EFL1: variants seen among roughly 807,000 people sequenced by gnomAD.
EFL1 encodes the protein elongation factor like GTPase 1.
A neutral mutation model predicts 126.7 loss-of-function variants in EFL1; 76 were observed. The observed-to-expected ratio is 0.60, with a 90% CI of 0.50 to 0.73. EFL1 has a LOEUF of 0.73. EFL1 is among the 30% of genes least tolerant of loss of function. The pLI is 0.00. For missense variants in EFL1, 1,128 were observed against 1,343.2 expected, an observed-to-expected ratio of 0.84 and a Z score of 2.50; for synonymous variants, 410 against 448.4, an observed-to-expected ratio of 0.91 and a Z score of 1.08.
intron 15 of EFL1, among the ~76,000 whole-genome samples, chr15:82,213,314 A>T (rs1377039567): frequency 6.6e-6 from 1 of 152,196 alleles, no homozygotes; most frequent in Non-Finnish European, 1.5e-5. Flanking sequence ...AAAGACATCA[A>T]GGTATATCTC....
intron 16 of EFL1, among the ~76,000 whole-genome samples, chr15:82,162,033 T>C (rs1335684089): frequency 2.0e-5 from 3 of 152,134 alleles, no homozygotes; most frequent in Non-Finnish European, 1.5e-5. Context: ...ATCCCAGCAC[T>C]CTAAGAGGCT....
At chr15:82,172,140 T>C (rs1483599555) in intron 15 of EFL1, among the ~76,000 whole-genome samples, 1 of 152,002 alleles carries the variant, frequency 6.6e-6, no homozygotes, top group Non-Finnish European at 1.5e-5. Flanking sequence ...CCAGATACTA[T>C]TTCACACCAA....
chr15:82,225,432 G>A (rs2074753321), intron 11 of EFL1, among the ~76,000 whole-genome samples, 168 bp from the exon 12 acceptor site: 1 of 152,158 alleles, frequency 6.6e-6, no homozygotes, highest in Non-Finnish European at 1.5e-5. Flanking sequence ...TTAGAAAAGG[G>A]TAAGATTGCT....
intron 18 of EFL1, among the ~76,000 whole-genome samples, chr15:82,145,490 A>C (rs1459755740): frequency 6.6e-6 from 1 of 151,824 alleles, no homozygotes; most frequent in Non-Finnish European, 1.5e-5. Context: ...TTAAAATAAA[A>C]ATTTAATAAA....
At chr15:82,134,652 C>A (rs529854236) in intron 19 of EFL1, among the ~76,000 whole-genome samples, 48 of 152,348 alleles carry the variant, frequency 3.2e-4, no homozygotes, top group African/African-American at 1.1e-3. Context: ...AATCACTTCA[C>A]CCGGTATGAA....
At chr15:82,225,661 A>T (rs2074755810) in intron 11 of EFL1, among the ~76,000 whole-genome samples, 1 of 152,258 alleles carries the variant, frequency 6.6e-6, no homozygotes, top group African/African-American at 2.4e-5. Flanking sequence ...GCTTGTTAAT[A>T]AGATACATAA....
chr15:82,166,838 T>C (rs745538237), intron 15 of EFL1, among the ~76,000 whole-genome samples: 6 of 152,242 alleles, frequency 3.9e-5, no homozygotes, highest in African/African-American at 1.2e-4. Context: ...AATTAAATCA[T>C]GTGATTTTCA....
intron 14 of EFL1, among the ~76,000 whole-genome samples, chr15:82,216,056 A>C (rs1356839857): frequency 6.6e-6 from 1 of 152,200 alleles, no homozygotes; most frequent in Non-Finnish European, 1.5e-5. Context: ...AGATCAATAT[A>C]CAAAAGTTAA....
intron 3 of EFL1, among the ~76,000 whole-genome samples, chr15:82,258,562 A>C (rs1169115377): frequency 6.6e-6 from 1 of 152,220 alleles, no homozygotes; most frequent in Non-Finnish European, 1.5e-5. Flanking sequence ...CTCAAAAACA[A>C]AAACCAAAAA....
At chr15:82,241,232 C>A in intron 5 of EFL1, 38 bp downstream of exon 5, 1 of 1,611,232 alleles carries the variant, frequency 6.2e-7, no homozygotes, top group Non-Finnish European at 8.5e-7. Context: ...TTTCCTCACC[C>A]TTAACCATTT....
At chr15:82,210,097 CA>C (rs2074568307) in intron 15 of EFL1, among the ~76,000 whole-genome samples, 1 of 152,206 alleles carries the variant, frequency 6.6e-6, no homozygotes, top group Non-Finnish European at 1.5e-5. Context: ...ATGAAGTTTA[CA>C]GGTGTGCCCT....
chr15:82,257,631 G>T (rs1212097333), intron 3 of EFL1, among the ~76,000 whole-genome samples: 2 of 152,200 alleles, frequency 1.3e-5, no homozygotes, highest in Non-Finnish European at 2.9e-5. Context: ...TTGACTGAAG[G>T]TTCCCACATA....
intron 9 of EFL1, among the ~76,000 whole-genome samples, chr15:82,228,798 T>C (rs2074791069): frequency 1.3e-5 from 2 of 152,344 alleles, no homozygotes; most frequent in South Asian, 4.1e-4. Flanking sequence ...TATCCTTTCA[T>C]CTCTTCTCCT....
At chr15:82,240,893 T>C (rs1205174896) in intron 5 of EFL1, among the ~76,000 whole-genome samples, 3 of 152,134 alleles carry the variant, frequency 2.0e-5, no homozygotes, top group African/African-American at 7.2e-5. Flanking sequence ...GTATTAAAAG[T>C]ACAGAAATTA....
intron 15 of EFL1, among the ~76,000 whole-genome samples, chr15:82,165,838 C>T (rs1376813120): frequency 6.6e-6 from 1 of 152,154 alleles, no homozygotes; most frequent in African/African-American, 2.4e-5. Context: ...ATTTACAGAC[C>T]TTTTGTGTGC....
chr15:82,220,297 A>G (rs2651726), intron 12 of EFL1, 68 bp from the exon 13 acceptor site: 21 of 1,504,706 alleles, frequency 1.4e-5, no homozygotes, highest in Middle Eastern at 1.8e-4. Flanking sequence ...AAGCATTGAC[A>G]TGGCTGGGTA....
intron 7 of EFL1, 135 bp downstream of exon 7, chr15:82,238,172 C>A: frequency 1.1e-6 from 1 of 916,592 alleles, no homozygotes; most frequent in South Asian, 1.8e-5. Context: ...GGGTAAAGGG[C>A]ACCAGAGAAC....
intron 18 of EFL1, among the ~76,000 whole-genome samples, chr15:82,147,536 G>C (rs1205359802): frequency 6.6e-6 from 1 of 151,650 alleles, no homozygotes; most frequent in Non-Finnish European, 1.5e-5. Context: ...CAGCTACTTG[G>C]GAGGCTGAGT....
chr15:82,227,387 G>C, intron 11 of EFL1, 63 bp downstream of exon 11: 5 of 1,612,638 alleles, frequency 3.1e-6, no homozygotes, highest in Non-Finnish European at 4.2e-6. Flanking sequence ...AACTGGTCTA[G>C]AGCAGCCTGG....
Sources: allele counts gnomAD v4.1 joint callset (sites outside exome capture counted in the v4.1 genomes callset), GRCh38; gene constraint gnomAD v4.1.1; transcripts MANE v1.5; gene names NCBI Gene and HGNC (gene_info 2026-07-23, HGNC 2026-07-21).